MEIG1: variants seen among roughly 807,000 people sequenced by gnomAD.
MEIG1 encodes meiosis expressed gene 1 protein homolog.
MEIG1 carries 12 observed loss-of-function variants against 11.3 expected under a neutral mutation model. That is an observed-to-expected ratio of 1.07 (90% CI 0.68 to 1.73). The LOEUF (loss-of-function observed/expected upper bound fraction) is 1.73. Among genes scored for constraint, MEIG1 ranks in the 40% most tolerant of loss-of-function variants. The probability of loss-of-function intolerance (pLI) is 0.00; values close to 1 mark genes in which losing one functional copy is unlikely to be tolerated. For synonymous variants in MEIG1, 41 were observed against 33.2 expected, an observed-to-expected ratio of 1.24 and a Z score of -0.81; for missense variants, 119 against 104.9, an observed-to-expected ratio of 1.13 and a Z score of -0.59.
intron 2 of MEIG1, among the ~76,000 whole-genome samples, chr10:14,967,890 G>A (rs890447634): frequency 4.6e-5 from 7 of 151,628 alleles, no homozygotes; most frequent in East Asian, 1.9e-4. Context: ...TTTTCAAATC[G>A]TTGCAAATCT....
chr10:14,968,269 C>T (rs1451775378), intron 2 of MEIG1, among the ~76,000 whole-genome samples: 1 of 152,046 alleles, frequency 6.6e-6, no homozygotes, highest in East Asian at 1.9e-4. Flanking sequence ...AGGCAGATCA[C>T]TTGAGGTAAT....
chr10:14,969,864 A>G (rs941608302), intron 2 of MEIG1, among the ~76,000 whole-genome samples: 1 of 152,218 alleles, frequency 6.6e-6, no homozygotes, highest in Non-Finnish European at 1.5e-5. Context: ...AGGAACAGCA[A>G]GTGTTTAGTA....
chr10:14,974,585 G>A (rs1476182787), downstream of MEIG1, among the ~76,000 whole-genome samples: 4 of 152,044 alleles, frequency 2.6e-5, no homozygotes, highest in Non-Finnish European at 5.9e-5. Flanking sequence ...ATGGCACAAT[G>A]TGACTTACCG....
At position 14,972,534 on chromosome 10, in the gene MEIG1, G is replaced by C. The variant is rs766419543; in HGVS notation, c.160G>C (p.Gly54Arg). 1 of 1,614,066 alleles carries C rather than the reference G, an allele frequency of 6.2e-7. No homozygotes were observed. Among genetic ancestry groups the C allele is most frequent in the South Asian group, 1.1e-5 (1 of 91,072 alleles). ...GCAGGTAGATCGTTGGCCGGAGACA[G>C]GATATGTGAAGAAACTTCAGAGAAG... is the stretch of plus-strand genomic sequence containing the variant. Reference protein sequence around the residue: ...VSMVDRWPETGYVKKLQRRDN... With the variant: ...VSMVDRWPETRYVKKLQRRDN... Residue 54 changes from glycine (G) to arginine (R), a missense_variant, in exon 3 of 3, where the codon GGA (glycine) becomes CGA (arginine). Gly to Arg is a moderately radical substitution (Grantham distance 125). Coordinates refer to ENST00000407572, the MANE Select transcript of MEIG1 (RefSeq NM_001080836.3).
intron 1 of MEIG1, among the ~76,000 whole-genome samples, chr10:14,983,651 A>C (rs1044693597): frequency 1.3e-5 from 2 of 152,004 alleles, no homozygotes; most frequent in African/African-American, 2.4e-5. Context: ...TATTATCCAG[A>C]AGAAGAGAAG....
At chr10:14,962,834 G>A (rs1268033373) in intron 1 of MEIG1, among the ~76,000 whole-genome samples, 4 of 151,056 alleles carry the variant, frequency 2.6e-5, no homozygotes, top group South Asian at 2.1e-4. Flanking sequence ...GCACCATCTC[G>A]GCTCACTGCA....
chr10:14,973,052 G>T (rs1020179429), downstream of MEIG1, among the ~76,000 whole-genome samples: 12 of 151,964 alleles, frequency 7.9e-5, no homozygotes, highest in African/African-American at 2.9e-4. Context: ...ATTTAATAGA[G>T]ATATGATTTC....
At chr10:14,957,157 T>C (rs1360975103), upstream of MEIG1, among the ~76,000 whole-genome samples, 2 of 152,224 alleles carry the variant, frequency 1.3e-5, no homozygotes, top group Admixed American at 1.3e-4. Flanking sequence ...CCAGATGTTA[T>C]CAGTGTTTTA....
intron 1 of MEIG1, among the ~76,000 whole-genome samples, chr10:14,965,809 C>A (rs1327738491): frequency 4.6e-5 from 7 of 152,062 alleles, no homozygotes; most frequent in African/African-American, 1.4e-4. Flanking sequence ...TTACCTGGAA[C>A]TCCAGTATTT....
Position 14,987,008 on chromosome 10 carries a change from C to T in MEIG1, n.279C>T, listed in dbSNP as rs563542682. On this transcript the variant is annotated non_coding_transcript_exon_variant, in exon 2 of 3. Transcript: ENST00000467536. ...AAAAAGGACACCAAAACGAAGAAGA[C>T]ACAGAGGTGAGGATTCATGATGACT... 59 of 652,486 alleles carry T rather than the reference C, an allele frequency of 9.0e-5. No individual in the cohort carries two copies. The African/African-American group carries it at 9.5e-4, about 10-fold the overall frequency. 40.4% of individuals were successfully genotyped at this position (652,486 alleles called of 1,614,324 possible).
intron 2 of MEIG1, chr10:14,987,732 G>A: frequency 9.1e-6 from 2 of 219,530 alleles, no homozygotes; most frequent in Non-Finnish European, 9.1e-6. Flanking sequence ...CGTAAAATAC[G>A]GCCTACTCTT....
chr10:14,972,597 T>C lies in MEIG1; in HGVS notation c.223T>C (p.Cys75Arg). 1.2e-6 allele frequency: 2 copies of C among 1,613,286 alleles called. No individual in the cohort carries two copies. Among genetic ancestry groups the C allele is most frequent in the Non-Finnish European group, 1.7e-6 (2 of 1,179,676 alleles). Residue 75 changes from cysteine (C) to arginine (R), a missense_variant, in exon 3 of 3, where the codon TGT becomes CGT. Physicochemically the swap from Cys to Arg is radical, Grantham distance 180. Transcript: ENST00000407572. ...CTATTACTACAACAAACAGAGGGAA[T>C]GTGATGACAAAGAAGTCCACAAAGT... ...TFYYYNKQRE[C>R]DDKEVHKVKI...
chr10:14,981,277 G>T (rs888832755), intron 1 of MEIG1, among the ~76,000 whole-genome samples: 1 of 151,316 alleles, frequency 6.6e-6, no homozygotes, highest in Non-Finnish European at 1.5e-5. Flanking sequence ...CTCCTCTCGG[G>T]GGACTGTAAG....
At chr10:14,980,317 C>G (rs949422664) in intron 1 of MEIG1, among the ~76,000 whole-genome samples, 1 of 152,012 alleles carries the variant, frequency 6.6e-6, no homozygotes, top group Admixed American at 6.6e-5. Flanking sequence ...TGTTATTCTT[C>G]GCATTCTAGA....
upstream of MEIG1, among the ~76,000 whole-genome samples, chr10:14,957,413 A>G (rs1311249872): frequency 6.6e-6 from 1 of 152,070 alleles, no homozygotes; most frequent in Admixed American, 6.6e-5. Flanking sequence ...AAATATACTG[A>G]TTCAAAATAT....
chr10:14,971,920 C>G (rs1843155470), intron 2 of MEIG1, among the ~76,000 whole-genome samples: 1 of 151,916 alleles, frequency 6.6e-6, no homozygotes, highest in African/African-American at 2.4e-5. Context: ...AGTTCCAGGA[C>G]AGCTTGGGCA....
chr10:14,973,205 G>A (rs972301244), downstream of MEIG1, among the ~76,000 whole-genome samples: 1 of 152,088 alleles, frequency 6.6e-6, no homozygotes, highest in African/African-American at 2.4e-5. Context: ...CATTAAGTAT[G>A]GGAAAACACC....
In MEIG1 at chr10:14,962,806, C is replaced by G. The variant is rs536918081; in HGVS notation, c.-30+3249C>G. Among the ~76,000 whole-genome samples the G allele has an allele frequency of 2.0e-5, 3 of 151,906 alleles. No individual in the cohort carries two copies. The East Asian group carries it at 5.8e-4, about 29-fold the overall frequency. ...TTTTCAGACAGTCTCGCTCTGTCACCCAGGCTGGAGTGCAGTGGCACCATC... is the reference window on the plus strand; with the variant it reads ...TTTTCAGACAGTCTCGCTCTGTCACGCAGGCTGGAGTGCAGTGGCACCATC... On this transcript the variant is annotated intron_variant, in intron 1 of 2. Coordinates refer to ENST00000407572, the MANE Select transcript of MEIG1 (RefSeq NM_001080836.3).
chr10:14,966,569 A>T lies in MEIG1; in HGVS notation c.101A>T (p.Asp34Val), dbSNP rs1227069053. The T allele has an allele frequency of 6.2e-7, 1 of 1,612,254 alleles. No homozygotes were observed. The highest frequency in any genetic ancestry group is 8.5e-7 in the Non-Finnish European group (1 of 1,179,400). The change falls in exon 2 of 3, where the codon GAT becomes GTT. Residue 34 changes from aspartate (D) to valine (V), a missense_variant. By Grantham distance (152) the Asp-to-Val change is radical. Coordinates refer to ENST00000407572, the MANE Select transcript of MEIG1 (RefSeq NM_001080836.3). Reference sequence around the variant, plus strand: ...AGATTTCAACAAGCAGGATATCGGGATGAAACCGAATATAGACAAGTGAAA... The same window carrying T: ...AGATTTCAACAAGCAGGATATCGGGTTGAAACCGAATATAGACAAGTGAAA... ...LYRFQQAGYR[D>V]ETEYRQVKQV...
Sources: gnomAD v4.1 joint callset for allele counts (sites outside exome capture counted in the v4.1 genomes callset) on GRCh38, gnomAD v4.1.1 for gene constraint, MANE v1.5 for transcripts, NCBI Gene and HGNC (gene_info 2026-07-23, HGNC 2026-07-21) for gene names.